The following PLK5 variants were observed in gnomAD, a reference collection of about 807,000 sequenced individuals.
PLK5 encodes the protein polo like kinase 5 (inactive), also known as inactive serine/threonine-protein kinase PLK5.
A neutral mutation model predicts 33.7 loss-of-function variants in PLK5; 28 were observed. The observed-to-expected ratio is 0.83, with a 90% CI of 0.62 to 1.14. The LOEUF (loss-of-function observed/expected upper bound fraction) is 1.14, where lower values mean the gene tolerates loss of function less well. Among genes scored for constraint, PLK5 ranks in the 50% most tolerant of loss-of-function variants. PLK5 has a pLI of 0.00. For missense variants in PLK5, 492 were observed against 461.5 expected (o/e 1.07, Z -0.61); for synonymous variants, 225 against 202.2 (o/e 1.11, Z -0.96).
At position 1,535,274 on chromosome 19, in the gene PLK5, C is replaced by G; in HGVS notation, c.*24C>G. The G allele has an allele frequency of 6.5e-7, 1 of 1,528,168 alleles. No individual in the cohort carries two copies. The highest frequency in any genetic ancestry group is 8.8e-7 in the Non-Finnish European group (1 of 1,142,732). The allele number at this position is 1,528,168 out of a possible 1,614,324, so 94.7% of individuals were successfully genotyped here. On this transcript the variant is annotated 3_prime_UTR_variant, in exon 14 of 14. Coordinates refer to ENST00000454744, the MANE Select transcript of PLK5 (RefSeq NM_001243079.2). Reference sequence around the variant, plus strand: ...AGTGCCCCTGAGGGTCAGAGTGGACCCCTGCATGGTAGTGCCAGGGACCCA... The same window carrying G: ...AGTGCCCCTGAGGGTCAGAGTGGACGCCTGCATGGTAGTGCCAGGGACCCA...
At chr19:1,527,465 G>C (rs767239188) in intron 6 of PLK5, among the ~76,000 whole-genome samples, 11 of 152,094 alleles carry the variant, frequency 7.2e-5, no homozygotes, top group African/African-American at 1.2e-4. Context: ...AGCCAGGAGT[G>C]GTGGTGTGCA....
rs966979564 is a variant in PLK5, at chr19:1,535,464, G to C, written c.*214G>C. On this transcript the variant is annotated 3_prime_UTR_variant, in exon 14 of 14. Transcript: ENST00000454744. ...GACAATTTGAAATGCTGTAGGCCAT[G>C]GTCTGCCTCTCTTTGGGGGAAAGCG... 1 of 555,616 alleles carries C rather than the reference G, an allele frequency of 1.8e-6. No homozygotes were observed. The allele number at this position is 555,616 out of a possible 1,614,324, so 34.4% of individuals were successfully genotyped here.
chr19:1,528,156 G>GGGGTCCCTGGCGT, intron 7 of PLK5, 22 bp downstream of exon 7: 1 of 1,523,306 alleles, frequency 6.6e-7, no homozygotes, highest in Non-Finnish European at 8.8e-7. Context: ...TCCTCGGCGT[G>GGGGTCCCTGGCGT]GGGTCCCTGG....
rs1026701065 is a variant in PLK5, at chr19:1,525,352, C to A, written c.-496C>A. The A allele has an allele frequency of 6.5e-5, 10 of 152,816 alleles. No individual in the cohort carries two copies. Among genetic ancestry groups the A allele is most frequent in the Admixed American group, 2.0e-4 (3 of 15,290 alleles). 9.5% of individuals were successfully genotyped at this position (152,816 alleles called of 1,614,324 possible). A position where few individuals can be genotyped will look rare whatever the true frequency, so the allele number is the denominator to read the frequency against. On this transcript the variant is annotated 5_prime_UTR_variant, in exon 2 of 14. Coordinates refer to ENST00000454744, the MANE Select transcript of PLK5 (RefSeq NM_001243079.2). ...AGCTGACAGACATGTCCACCAGCGC[C>A]GTGTTCGCCCTCAAGGTGGTGCCGT...
At chr19:1,529,368 GGCCGGGGCC>G in intron 9 of PLK5, 29 bp from the exon 10 acceptor site, 1 of 1,509,944 alleles carries the variant, frequency 6.6e-7, no homozygotes, top group Non-Finnish European at 8.9e-7. Context: ...CTGGGGCTGG[GGCCGGGGCC>G]ACCCCCACCC....
chr19:1,528,387 G>C lies in PLK5; in HGVS notation c.287G>C (p.Arg96Pro). ...AIPPPLGRIF[R>P]KVGQRLLTQC... ...CCCCCGCCTCTGGGCAGGATCTTCC[G>C]GAAGGTGGGCCAGCGGCTGCTCACC... The change falls in exon 8 of 14, where the codon CGG becomes CCG. Residue 96 changes from arginine to proline, a missense_variant. Transcript: ENST00000454744. The C allele has an allele frequency of 6.5e-7, 1 of 1,534,492 alleles. No homozygotes were observed. The highest frequency in any genetic ancestry group is 8.7e-7 in the Non-Finnish European group (1 of 1,146,556).
In PLK5 at chr19:1,535,055, C is replaced by A. The variant is rs1000276567; in HGVS notation, c.826-10C>A. The A allele has an allele frequency of 1.3e-6, 2 of 1,520,270 alleles. No individual in the cohort carries two copies. Among genetic ancestry groups the A allele is most frequent in the Non-Finnish European group, 1.8e-6 (2 of 1,139,648 alleles). The allele number at this position is 1,520,270 out of a possible 1,614,324, so 94.2% of individuals were successfully genotyped here. A position where few individuals can be genotyped will look rare whatever the true frequency, so the allele number is the denominator to read the frequency against. Reference sequence around the variant, plus strand: ...CCGTCTCCCCTTGACTGGTATCTTACCCTTTGCAGGTGAGCTTCAGTGGAG... The same window carrying A: ...CCGTCTCCCCTTGACTGGTATCTTAACCTTTGCAGGTGAGCTTCAGTGGAG... On this transcript the variant is annotated splice_polypyrimidine_tract_variant and intron_variant, in intron 13 of 13. Transcript: ENST00000454744.
chr19:1,534,036 G>A lies in PLK5; in HGVS notation c.820G>A (p.Val274Met), dbSNP rs1456263050. Reference protein sequence around the residue: ...ALLLLFSNGMVQVSFSGVPAQ... With the variant: ...ALLLLFSNGMMQVSFSGVPAQ... ...GCTGCTGCTGTTCAGCAATGGGATG[G>A]TGCAGGTGAGCCCGGGGCTCAAACT... Residue 274 changes from valine to methionine, a missense_variant, in exon 13 of 14, where the codon GTG becomes ATG. Coordinates refer to ENST00000454744, the MANE Select transcript of PLK5 (RefSeq NM_001243079.2). 2 of 1,535,506 alleles carry A rather than the reference G, an allele frequency of 1.3e-6. No individual in the cohort carries two copies. The highest frequency in any genetic ancestry group is 1.4e-5 in the African/African-American group (1 of 73,002).
chr19:1,531,705 C>T (rs1469117232), intron 11 of PLK5, 33 bp from the exon 12 acceptor site: 3 of 1,534,642 alleles, frequency 2.0e-6, no homozygotes, highest in East Asian at 2.5e-5. Flanking sequence ...TGACCCCTGA[C>T]CCCTGGCTCA....
chr19:1,532,198 G>A (rs1224157326), intron 12 of PLK5, among the ~76,000 whole-genome samples: 1 of 152,114 alleles, frequency 6.6e-6, no homozygotes, highest in African/African-American at 2.4e-5. Flanking sequence ...TTGAGCCCAG[G>A]AGATCGAGAT....
Position 1,535,571 on chromosome 19 carries a change from C to T in PLK5, c.*321C>T. On this transcript the variant is annotated 3_prime_UTR_variant, in exon 14 of 14. Coordinates refer to ENST00000454744, the MANE Select transcript of PLK5 (RefSeq NM_001243079.2). ...TTCTCTTAGTGGCAGAGGTGGGTTACATTTTCACTAATGCAGACATTAGCA... is the reference window on the plus strand; with the variant it reads ...TTCTCTTAGTGGCAGAGGTGGGTTATATTTTCACTAATGCAGACATTAGCA... The T allele has an allele frequency of 2.8e-6, 1 of 354,376 alleles. No homozygotes were observed. The highest frequency in any genetic ancestry group is 3.5e-5 in the South Asian group (1 of 28,540). 22.0% of individuals were successfully genotyped at this position (354,376 alleles called of 1,614,324 possible). A position where few individuals can be genotyped will look rare whatever the true frequency, so the allele number is the denominator to read the frequency against.
rs56991846 is a variant in PLK5 at position 1,525,655 on chromosome 19, G to C, written c.-369G>C. The C allele has an allele frequency of 0.057, 8,643 of 152,786 alleles. 345 individuals carry two copies. Among genetic ancestry groups the C allele is most frequent in the East Asian group, 0.18 (940 of 5,170 alleles). 9.5% of individuals were successfully genotyped at this position (152,786 alleles called of 1,614,324 possible). A position where few individuals can be genotyped will look rare whatever the true frequency, so the allele number is the denominator to read the frequency against. On this transcript the variant is annotated 5_prime_UTR_variant, in exon 3 of 14. Transcript: ENST00000454744. ...ACCCCGCAACATCGTGGCTTTCCAC[G>C]GACACTTTGCTGACCGCGACCACGT...
In PLK5 at chr19:1,528,911, TA is replaced by T; in HGVS notation, c.345del (p.Glu116ArgfsTer71). ...QCRPPCPFTP[K>X]EASGPGEGGP... ...TGCCTCCCTCAGGCCCCTTCACGCC[TA>T]AAGAGGCCTCGGGTCCAGGAGAAGG... On this transcript the variant is annotated frameshift_variant, in exon 9 of 14. Coordinates refer to ENST00000454744, the MANE Select transcript of PLK5 (RefSeq NM_001243079.2). LOFTEE classifies it high-confidence loss of function. 6.6e-7 allele frequency: 1 copy of T among 1,513,680 alleles called. No homozygotes were observed. The highest frequency in any genetic ancestry group is 1.2e-5 in the South Asian group (1 of 81,288). 93.8% of individuals were successfully genotyped at this position (1,513,680 alleles called of 1,614,324 possible). A position where few individuals can be genotyped will look rare whatever the true frequency, so the allele number is the denominator to read the frequency against.
intron 12 of PLK5, chr19:1,533,677 G>T: frequency 1.2e-5 from 7 of 578,778 alleles, no homozygotes; most frequent in Admixed American, 8.9e-5. Flanking sequence ...GTGTCCACTG[G>T]CCTGGGCTGT....
rs1914071291 is a variant in PLK5, at chr19:1,535,476, T to TTTGGGGGA, written c.*227_*234dup. On this transcript the variant is annotated 3_prime_UTR_variant, in exon 14 of 14. Transcript: ENST00000454744. ...TGCTGTAGGCCATGGTCTGCCTCTC[T>TTTGGGGGA]TTGGGGGAAAGCGTTTGAGGAGCTT... The TTTGGGGGA allele has an allele frequency of 2.2e-5, 12 of 539,186 alleles. No homozygotes were observed. In the South Asian group the frequency reaches 3.1e-4, roughly 14 times the overall value. 33.4% of individuals were successfully genotyped at this position (539,186 alleles called of 1,614,324 possible). A position where few individuals can be genotyped will look rare whatever the true frequency, so the allele number is the denominator to read the frequency against.
rs1335090629 is a variant in PLK5 at position 1,526,803 on chromosome 19, G to A, written c.-95+12G>A. ...GGCCGCTGCCACAGGTGAGAGCCGG[G>A]GGGAGGGCTCTGAGCAGTCCGTCCG... On this transcript the variant is annotated intron_variant, in intron 5 of 13. Transcript: ENST00000454744. The A allele has an allele frequency of 2.5e-5, 17 of 672,226 alleles. No individual in the cohort carries two copies. The Admixed American group carries it at 3.8e-4, about 15-fold the overall frequency. 41.6% of individuals were successfully genotyped at this position (672,226 alleles called of 1,614,324 possible). A position where few individuals can be genotyped will look rare whatever the true frequency, so the allele number is the denominator to read the frequency against.
chr19:1,528,246 G>C (rs1913804984), intron 7 of PLK5, 56 bp from the exon 8 acceptor site: 2 of 1,535,680 alleles, frequency 1.3e-6, no homozygotes, highest in Non-Finnish European at 8.7e-7. Context: ...AGGTAACCCA[G>C]GTGCTCAGGG....
At position 1,533,997 on chromosome 19, in the gene PLK5, T is replaced by A. The variant is rs556764489; in HGVS notation, c.781T>A (p.Ser261Thr). 2.0e-6 allele frequency: 3 copies of A among 1,535,474 alleles called. No homozygotes were observed. The African/African-American group carries it at 4.1e-5, about 21-fold the overall frequency. Residue 261 changes from serine (S) to threonine (T), a missense_variant, in exon 13 of 14, where the codon TCT becomes ACT. By Grantham distance (58) the Ser-to-Thr change is moderately conservative. Coordinates refer to ENST00000454744, the MANE Select transcript of PLK5 (RefSeq NM_001243079.2). ...PGLCLLRFLASEHALLLLFSN... is the reference protein window; with the variant it reads ...PGLCLLRFLATEHALLLLFSN... ...CCTCTGCCTCCTGCGCTTCCTGGCCTCTGAGCACGCCCTGCTGCTGCTGTT... is the reference window on the plus strand; with the variant it reads ...CCTCTGCCTCCTGCGCTTCCTGGCCACTGAGCACGCCCTGCTGCTGCTGTT...
Position 1,535,090 on chromosome 19 carries a change from A to G in PLK5, c.851A>G (p.Gln284Arg). 1 of 1,533,252 alleles carries G rather than the reference A, an allele frequency of 6.5e-7. No homozygotes were observed. The highest frequency in any genetic ancestry group is 8.7e-7 in the Non-Finnish European group (1 of 1,145,694). The allele number at this position is 1,533,252 out of a possible 1,614,324, so 95.0% of individuals were successfully genotyped here. A position where few individuals can be genotyped will look rare whatever the true frequency, so the allele number is the denominator to read the frequency against. ...VQVSFSGVPA[Q>R]LVLSGEGEGL... The stretch of plus-strand genomic sequence containing the variant: ...GTGAGCTTCAGTGGAGTCCCGGCCC[A>G]ACTGGTGCTGAGTGGCGAGGGTGAG... The change falls in exon 14 of 14, where the codon CAA becomes CGA. Residue 284 changes from glutamine (Q) to arginine (R), a missense_variant. By Grantham distance (43) the Gln-to-Arg change is conservative. Coordinates refer to ENST00000454744, the MANE Select transcript of PLK5 (RefSeq NM_001243079.2).
Sources: allele counts gnomAD v4.1 joint callset (sites outside exome capture counted in the v4.1 genomes callset), GRCh38; gene constraint gnomAD v4.1.1; transcripts MANE v1.5; gene names NCBI Gene and HGNC (gene_info 2026-07-23, HGNC 2026-07-21).